TARS3: variants seen among roughly 807,000 people sequenced by gnomAD.
TARS3 encodes threonine--tRNA ligase 2, cytoplasmic.
TARS3 carries 94 observed loss-of-function variants against 103.5 expected under a neutral mutation model. The ratio of observed to expected loss-of-function variants is 0.91; its 90% CI spans 0.77 to 1.08. The LOEUF (loss-of-function observed/expected upper bound fraction) is 1.08. TARS3 is among the 50% of genes least tolerant of loss of function. The pLI is 0.00. For missense variants in TARS3, 952 were observed against 995.2 expected (o/e 0.96, Z 0.58); for synonymous variants, 416 against 355.4 (o/e 1.17, Z -1.92).
intron 6 of TARS3, among the ~76,000 whole-genome samples, chr15:101,707,865 CA>C (rs1013966529): frequency 7.2e-5 from 11 of 151,970 alleles, no homozygotes; most frequent in African/African-American, 2.7e-4. Flanking sequence ...TTTTACTGCA[CA>C]AAAAAGAATA....
In TARS3 at chr15:101,724,152, C is replaced by G. The variant is rs563120373; in HGVS notation, c.236G>C (p.Arg79Pro). The change falls in exon 1 of 19, where the codon CGG becomes CCG. Residue 79 changes from arginine (R) to proline (P), a missense_variant. By Grantham distance (103) the Arg-to-Pro change is moderately radical. This residue lies in a region of TARS3 where 412 missense variants were observed against 364.2 expected (regional missense o/e 1.13). Coordinates refer to ENST00000335968, the MANE Select transcript of TARS3 (RefSeq NM_152334.3). ...GCTCTCCAGCGTGGCCTGGCGGCTC[C>G]GCTCCTCGGCGAGGCACAGCCGCAG... ...CSLRLCLAEE[R>P]SRQATLESAE... The G allele has an allele frequency of 6.8e-7, 1 of 1,467,768 alleles. No homozygotes were observed. Among genetic ancestry groups the G allele is most frequent in the Admixed American group, 2.3e-5 (1 of 43,662 alleles). The allele number at this position is 1,467,768 out of a possible 1,614,324, so 90.9% of individuals were successfully genotyped here. A position where few individuals can be genotyped will look rare whatever the true frequency, so the allele number is the denominator to read the frequency against.
Position 101,661,789 on chromosome 15 carries a change from A to C in TARS3, c.1995T>G (p.Pro665=). The change falls in exon 16 of 19, where the codon CCT becomes CCG. Residue 665 remains proline (P), a synonymous_variant. Transcript: ENST00000335968. The part of the protein sequence containing the change: ...VSKDGDDKKR[P]VIIHRAILGS... ...CCAAAATGGCTCGATGAATGATCACAGGTCTCTTCTTATCATCCCCATCCT... is the reference window on the plus strand; with the variant it reads ...CCAAAATGGCTCGATGAATGATCACCGGTCTCTTCTTATCATCCCCATCCT... 2.5e-6 allele frequency: 4 copies of C among 1,605,864 alleles called. No individual in the cohort carries two copies. The highest frequency in any genetic ancestry group is 1.7e-6 in the Non-Finnish European group (2 of 1,175,884).
chr15:101,680,670 G>T (rs1898223429), intron 12 of TARS3, among the ~76,000 whole-genome samples: 1 of 152,126 alleles, frequency 6.6e-6, no homozygotes, highest in Admixed American at 6.5e-5. Flanking sequence ...TCTTATTGAG[G>T]TTTGAATATT....
At chr15:101,672,961 A>C (rs1232057907) in intron 13 of TARS3, among the ~76,000 whole-genome samples, 1 of 152,206 alleles carries the variant, frequency 6.6e-6, no homozygotes, top group African/African-American at 2.4e-5. Flanking sequence ...GGAGAAGAGG[A>C]TAAAGCAGGG....
chr15:101,669,981 A>C (rs958372622), intron 15 of TARS3, among the ~76,000 whole-genome samples: 2 of 152,256 alleles, frequency 1.3e-5, no homozygotes, highest in Admixed American at 6.5e-5. Flanking sequence ...AGACACTTAG[A>C]TGCAAACAAT....
chr15:101,683,605 ACCCAC>A (rs1898344458), intron 12 of TARS3, among the ~76,000 whole-genome samples: 5 of 152,158 alleles, frequency 3.3e-5, no homozygotes, highest in Admixed American at 3.3e-4. Context: ...TTGGCATATT[ACCCAC>A]CCCACATGAA....
chr15:101,681,660 C>T (rs1898261139), intron 12 of TARS3, among the ~76,000 whole-genome samples: 1 of 152,224 alleles, frequency 6.6e-6, no homozygotes, highest in Non-Finnish European at 1.5e-5. Context: ...CGGCTGACTT[C>T]TCACTGTGTC....
intron 10 of TARS3, among the ~76,000 whole-genome samples, chr15:101,696,972 C>T (rs1481647518): frequency 6.6e-6 from 1 of 152,178 alleles, no homozygotes; most frequent in Admixed American, 6.5e-5. Context: ...ATTGTCTCCA[C>T]CCCAAAGTGA....
At chr15:101,720,563 G>A (rs569469066) in intron 3 of TARS3, among the ~76,000 whole-genome samples, 1 of 152,118 alleles carries the variant, frequency 6.6e-6, no homozygotes, top group Non-Finnish European at 1.5e-5. Flanking sequence ...AACAGGAAAT[G>A]ATTGTGTTCT....
chr15:101,666,364 TACTC>T (rs1445553265), intron 15 of TARS3, among the ~76,000 whole-genome samples: 1 of 150,732 alleles, frequency 6.6e-6, no homozygotes, highest in African/African-American at 2.4e-5. Context: ...TAGTCCCAGT[TACTC>T]AGGAGGCTGA....
intron 3 of TARS3, among the ~76,000 whole-genome samples, chr15:101,716,033 T>G (rs184551772): frequency 1.5e-4 from 23 of 152,320 alleles, no homozygotes; most frequent in African/African-American, 5.3e-4. Flanking sequence ...TTTCTTTTTT[T>G]TTTTGAGACA....
At chr15:101,655,598 G>T (rs1279284860) in intron 18 of TARS3, among the ~76,000 whole-genome samples, 1 of 141,230 alleles carries the variant, frequency 7.1e-6, no homozygotes, top group African/African-American at 2.7e-5. Context: ...AAATGAGAGC[G>T]GGGAGCTCTT....
At chr15:101,707,833 G>A (rs962628873) in intron 6 of TARS3, among the ~76,000 whole-genome samples, 5 of 152,066 alleles carry the variant, frequency 3.3e-5, no homozygotes, top group Non-Finnish European at 7.4e-5. Context: ...AGGATTAAAT[G>A]GTAAATTTTA....
Position 101,709,553 on chromosome 15 carries a change from C to T in TARS3, c.813-643G>A, listed in dbSNP as rs530936633. On this transcript the variant is annotated intron_variant, in intron 5 of 18. Transcript: ENST00000335968. ...GCTTGCTCCCTCCCTCCACTCCGGT[C>T]GGCTTCAATGCCACCTGCTCCTTCC... is the stretch of plus-strand genomic sequence containing the variant. Among the ~76,000 whole-genome samples, 8 of 152,348 alleles carry T rather than the reference C, an allele frequency of 5.3e-5. No homozygotes were observed. In the South Asian group the frequency reaches 1.0e-3, roughly 20 times the overall value.
chr15:101,705,821 A>G, intron 6 of TARS3, 74 bp from the exon 7 acceptor site: 1 of 1,258,176 alleles, frequency 7.9e-7, no homozygotes, highest in Non-Finnish European at 1.1e-6. Context: ...CTTTTCTTCA[A>G]GAAACATTGA....
At chr15:101,676,548 G>C (rs958450447) in intron 12 of TARS3, among the ~76,000 whole-genome samples, 46 of 152,190 alleles carry the variant, frequency 3.0e-4, no homozygotes, top group African/African-American at 1.1e-3. Flanking sequence ...ACCCAGGCTG[G>C]AATGCAGTGG....
Position 101,723,130 on chromosome 15 carries a change from T to C in TARS3, c.332A>G (p.Lys111Arg). 1 of 1,614,202 alleles carries C rather than the reference T, an allele frequency of 6.2e-7. No individual in the cohort carries two copies. Residue 111 changes from lysine to arginine, a missense_variant, in exon 2 of 19, where the codon AAA (lysine) becomes AGA (arginine). By Grantham distance (26) the Lys-to-Arg change is conservative. This residue lies in a region of TARS3 where 412 missense variants were observed against 364.2 expected (regional missense o/e 1.13). Coordinates refer to ENST00000335968, the MANE Select transcript of TARS3 (RefSeq NM_152334.3). Reference sequence around the variant, plus strand: ...CTCGCTTTCCTTCATTTTCTTCTTTTTCATGTCCTTGTCTTGGCTTTGACT... The same window carrying C: ...CTCGCTTTCCTTCATTTTCTTCTTTCTCATGTCCTTGTCTTGGCTTTGACT... ...PPSQSQDKDM[K>R]KKKMKESEAD...
At chr15:101,664,850 C>T (rs1444884768) in intron 15 of TARS3, among the ~76,000 whole-genome samples, 4 of 152,142 alleles carry the variant, frequency 2.6e-5, no homozygotes, top group Non-Finnish European at 4.4e-5. Context: ...TATAACTGTA[C>T]CCCAGGAAGC....
At position 101,661,781 on chromosome 15, in the gene TARS3, A is replaced by T. The variant is rs1161317089; in HGVS notation, c.2003T>A (p.Ile668Asn). ...DGDDKKRPVI[I>N]HRAILGSVER... is the part of the protein sequence containing the mutation. ...CACTGATCCCAAAATGGCTCGATGA[A>T]TGATCACAGGTCTCTTCTTATCATC... is the stretch of plus-strand genomic sequence containing the variant. Residue 668 changes from isoleucine to asparagine, a missense_variant, in exon 16 of 19, where the codon ATT becomes AAT. By Grantham distance (149) the Ile-to-Asn change is moderately radical. Transcript: ENST00000335968. The T allele has an allele frequency of 6.2e-7, 1 of 1,607,562 alleles. No individual in the cohort carries two copies. Among genetic ancestry groups the T allele is most frequent in the Non-Finnish European group, 8.5e-7 (1 of 1,176,638 alleles).
Sources: gnomAD v4.1 joint callset for allele counts (sites outside exome capture counted in the v4.1 genomes callset) on GRCh38, gnomAD v4.1.1 for gene constraint, gnomAD v4.1.1 regional missense constraint, MANE v1.5 for transcripts, NCBI Gene and HGNC (gene_info 2026-07-23, HGNC 2026-07-21) for gene names.